Variants in DCDC1 observed in about 807,000 individuals in gnomAD.
DCDC1 encodes doublecortin domain containing 1.
Under a neutral mutation model 178.3 loss-of-function variants are expected in DCDC1, and 200 were observed. That is an observed-to-expected ratio of 1.12 (90% CI 1.00 to 1.26). The LOEUF (loss-of-function observed/expected upper bound fraction) is 1.26. Among genes scored for constraint, DCDC1 ranks in the 50% most tolerant of loss-of-function variants. The probability of loss-of-function intolerance (pLI) is 0.00; values close to 1 mark genes in which losing one functional copy is unlikely to be tolerated. For synonymous variants in DCDC1, 690 were observed against 604.8 expected (o/e 1.14, Z -2.07); for missense variants, 1,983 against 1,749.2 (o/e 1.13, Z -2.38).
chr11:31,327,794 C>A (rs919719414), intron 3 of DCDC1, among the ~76,000 whole-genome samples: 1 of 152,086 alleles, frequency 6.6e-6, no homozygotes, highest in Admixed American at 6.5e-5. Flanking sequence ...GTGGCATGAT[C>A]TCAGCTCACT....
chr11:31,097,805 T>C lies in DCDC1; in HGVS notation c.1984-3621A>G, dbSNP rs1958248998. On this transcript the variant is annotated intron_variant, in intron 15 of 38. Transcript: ENST00000684477. ...TATACATAATTTATACAAAATATCA[T>C]TTTTCAATGACTTGCTCTCCAAAGA... 2.0e-5 allele frequency among the ~76,000 whole-genome samples: 3 copies of C among 152,194 alleles called. 1 individual carries two copies. The South Asian group carries it at 6.2e-4, about 31-fold the overall frequency.
chr11:31,235,293 A>G (rs1295690353), intron 9 of DCDC1, among the ~76,000 whole-genome samples: 1 of 152,034 alleles, frequency 6.6e-6, no homozygotes, highest in Non-Finnish European at 1.5e-5. Context: ...ATTAGAAAAA[A>G]TGCATTAATA....
intron 38 of DCDC1, among the ~76,000 whole-genome samples, chr11:30,868,093 T>A (rs1456317769): frequency 6.6e-6 from 1 of 152,236 alleles, no homozygotes; most frequent in East Asian, 1.9e-4. Flanking sequence ...TAAGCCTTTG[T>A]CATTGAAGAG....
At chr11:31,262,259 C>T (rs939090959) in intron 8 of DCDC1, among the ~76,000 whole-genome samples, 14 of 136,694 alleles carry the variant, frequency 1.0e-4, no homozygotes, top group African/African-American at 4.0e-4. Flanking sequence ...AGAGCAAGAC[C>T]TTGTCTCAGG....
At chr11:30,901,241 T>C (rs890143409) in intron 32 of DCDC1, among the ~76,000 whole-genome samples, 1 of 152,096 alleles carries the variant, frequency 6.6e-6, no homozygotes, top group African/African-American at 2.4e-5. Context: ...TACCCTGCAA[T>C]AGAAAATTAA....
At chr11:31,104,940 A>C (rs1958754127) in intron 13 of DCDC1, among the ~76,000 whole-genome samples, 1 of 152,132 alleles carries the variant, frequency 6.6e-6, no homozygotes, top group South Asian at 2.1e-4. Flanking sequence ...AAAATAAAAT[A>C]TTCAAAATAG....
chr11:31,309,633 A>AT (rs1555173535), intron 3 of DCDC1, among the ~76,000 whole-genome samples: 2 of 152,106 alleles, frequency 1.3e-5, no homozygotes, highest in African/African-American at 2.4e-5. Context: ...AGATTCCCAT[A>AT]TTTTTTTAAA....
chr11:31,352,853 C>A (rs1221815764), intron 1 of DCDC1, among the ~76,000 whole-genome samples: 1 of 152,110 alleles, frequency 6.6e-6, no homozygotes, highest in Non-Finnish European at 1.5e-5. Flanking sequence ...ATCCTTATTG[C>A]CATCAGGCAT....
chr11:31,028,887 A>G (rs762670642), intron 20 of DCDC1, among the ~76,000 whole-genome samples: 74 of 151,856 alleles, frequency 4.9e-4, no homozygotes, highest in Middle Eastern at 3.4e-3. Flanking sequence ...ATTAAAGAGT[A>G]TATTTTGTTC....
intron 13 of DCDC1, among the ~76,000 whole-genome samples, chr11:31,104,098 A>G (rs561015891): frequency 1.8e-4 from 28 of 152,198 alleles, no homozygotes; most frequent in Non-Finnish European, 3.7e-4. Context: ...CAGTAATCCA[A>G]TACATCTATA....
intron 9 of DCDC1, among the ~76,000 whole-genome samples, chr11:31,166,178 C>G (rs1411688304): frequency 1.3e-5 from 2 of 152,110 alleles, no homozygotes. Flanking sequence ...ACTAAATATT[C>G]AAGCACTGTT....
At chr11:31,342,585 T>A (rs1480434482) in intron 1 of DCDC1, among the ~76,000 whole-genome samples, 1 of 152,160 alleles carries the variant, frequency 6.6e-6, no homozygotes, top group Non-Finnish European at 1.5e-5. Context: ...CTCTCTCTCC[T>A]CCTCCCTTAA....
intron 21 of DCDC1, among the ~76,000 whole-genome samples, chr11:30,952,147 G>A (rs905929440): frequency 6.6e-6 from 1 of 152,178 alleles, no homozygotes; most frequent in Non-Finnish European, 1.5e-5. Context: ...CATAATAATA[G>A]AAGTTTCAAT....
At chr11:31,068,192 C>T (rs1327674874) in intron 18 of DCDC1, among the ~76,000 whole-genome samples, 2 of 152,084 alleles carry the variant, frequency 1.3e-5, no homozygotes, top group African/African-American at 4.8e-5. Flanking sequence ...TTGAATTAAT[C>T]AATGAGTGTA....
At chr11:31,185,359 G>A (rs1404241945) in intron 9 of DCDC1, among the ~76,000 whole-genome samples, 1 of 151,840 alleles carries the variant, frequency 6.6e-6, no homozygotes, top group Non-Finnish European at 1.5e-5. Context: ...GTATAGCTAT[G>A]TAACAAACCT....
At chr11:30,983,575 G>T (rs185696345) in intron 20 of DCDC1, among the ~76,000 whole-genome samples, 7 of 152,170 alleles carry the variant, frequency 4.6e-5, no homozygotes, top group Admixed American at 4.6e-4. Context: ...TCATTATTCA[G>T]ATTTATGAAA....
chr11:31,072,083 AGT>A (rs1956601535), intron 18 of DCDC1, among the ~76,000 whole-genome samples: 1 of 152,232 alleles, frequency 6.6e-6, no homozygotes, highest in Admixed American at 6.5e-5. Flanking sequence ...ACATAAAATG[AGT>A]GTGTTAGTTT....
intron 17 of DCDC1, among the ~76,000 whole-genome samples, chr11:31,082,859 T>G (rs1048522822): frequency 1.3e-5 from 2 of 152,176 alleles, no homozygotes; most frequent in African/African-American, 4.8e-5. Context: ...GGGCCAAAAG[T>G]AGAATGCACG....
intron 1 of DCDC1, among the ~76,000 whole-genome samples, chr11:31,346,826 A>G (rs1157416681): frequency 1.3e-5 from 2 of 152,230 alleles, no homozygotes; most frequent in African/African-American, 4.8e-5. Flanking sequence ...TGAAGAGTAC[A>G]TGGAGGTTTT....
Sources: allele counts gnomAD v4.1 joint callset (sites outside exome capture counted in the v4.1 genomes callset), GRCh38; gene constraint gnomAD v4.1.1; transcripts MANE v1.5; gene names NCBI Gene and HGNC (gene_info 2026-07-23, HGNC 2026-07-21).